NBEA: variants seen among roughly 807,000 people sequenced by gnomAD.
The protein encoded by NBEA is neurobeachin, also known as lysosomal-trafficking regulator 2.
NBEA carries 44 observed loss-of-function variants against 343.4 expected under a neutral mutation model. The ratio of observed to expected loss-of-function variants is 0.13; its 90% confidence interval spans 0.10 to 0.16. The LOEUF (loss-of-function observed/expected upper bound fraction) is 0.16. NBEA is among the 10% of genes least tolerant of loss of function. The probability of loss-of-function intolerance (pLI) is 1.00; values close to 1 mark genes in which losing one functional copy is unlikely to be tolerated. For missense variants in NBEA, 2,555 were observed against 3,631.3 expected (o/e 0.70, Z 7.62); for synonymous variants, 1,175 against 1,238.7 (o/e 0.95, Z 1.08).
intron 41 of NBEA, among the ~76,000 whole-genome samples, chr13:35,487,058 G>A (rs1033633163): frequency 2.6e-5 from 4 of 151,842 alleles, no homozygotes; most frequent in African/African-American, 4.8e-5. Context: ...TGTAATATCA[G>A]TGAGCTATAC....
chr13:35,549,163 A>G (rs2079195119), intron 41 of NBEA, among the ~76,000 whole-genome samples: 2 of 152,194 alleles, frequency 1.3e-5, no homozygotes, highest in South Asian at 4.1e-4. Context: ...AAAACCTTTC[A>G]ATGTCTAGAG....
intron 38 of NBEA, among the ~76,000 whole-genome samples, chr13:35,412,856 A>G (rs2043674584): frequency 6.6e-6 from 1 of 152,132 alleles, no homozygotes; most frequent in South Asian, 2.1e-4. Flanking sequence ...GCCACCAGCT[A>G]GTTGTATGAT....
At position 35,159,426 on chromosome 13, in the gene NBEA, G is replaced by C; in HGVS notation, c.3255G>C (p.Glu1085Asp). 3 of 1,613,428 alleles carry C rather than the reference G, an allele frequency of 1.9e-6. No individual in the cohort carries two copies. Among genetic ancestry groups the C allele is most frequent in the Non-Finnish European group, 2.5e-6 (3 of 1,179,672 alleles). Residue 1085 changes from glutamate to aspartate, a missense_variant, in exon 22 of 59, where the codon GAG (glutamate) becomes GAC (aspartate). By Grantham distance (45) the Glu-to-Asp change is conservative. Transcript: ENST00000379939. ...CACCGGAGACTTTAGTAGGTGGAGA[G>C]AATGGTGCCCTTGTGGAGGTTGAAT... Reference protein sequence around the residue: ...DLSPETLVGGENGALVEVESL... With the variant: ...DLSPETLVGGDNGALVEVESL...
chr13:35,041,095 A>G lies in NBEA; in HGVS notation c.457A>G (p.Thr153Ala). Reference sequence around the variant, plus strand: ...ACGAAAAAGTGTTCGGAATTTACAGACTAGCACAGAAGTTGGGCTAATTGA... The same window carrying G: ...ACGAAAAAGTGTTCGGAATTTACAGGCTAGCACAGAAGTTGGGCTAATTGA... Reference protein sequence around the residue: ...ILRKSVRNLQTSTEVGLIEQV... With the variant: ...ILRKSVRNLQASTEVGLIEQV... Residue 153 changes from threonine to alanine, a missense_variant, in exon 2 of 59, where the codon ACT (threonine) becomes GCT (alanine). Physicochemically the swap from Thr to Ala is moderately conservative, Grantham distance 58. Coordinates refer to ENST00000379939, the MANE Select transcript of NBEA (RefSeq NM_001385012.1). 6.2e-7 allele frequency: 1 copy of G among 1,613,174 alleles called. No individual in the cohort carries two copies. Among genetic ancestry groups the G allele is most frequent in the South Asian group, 1.1e-5 (1 of 91,058 alleles).
chr13:35,308,824 C>T (rs2037167787), intron 35 of NBEA, among the ~76,000 whole-genome samples: 1 of 150,696 alleles, frequency 6.6e-6, no homozygotes. Context: ...TAAGCATATG[C>T]TTTTCTAATC....
At chr13:35,191,945 T>A (rs2152739042) in intron 30 of NBEA, among the ~76,000 whole-genome samples, 1 of 152,172 alleles carries the variant, frequency 6.6e-6, no homozygotes, top group South Asian at 2.1e-4. Flanking sequence ...GCTGAAGTTG[T>A]CCTCATATTT....
chr13:35,155,980 C>A (rs1394176375), intron 19 of NBEA, 103 bp from the exon 20 acceptor site: 3 of 1,474,324 alleles, frequency 2.0e-6, no homozygotes, highest in South Asian at 1.2e-5. Context: ...AGTTTTAACT[C>A]ACCTTTTATA....
intron 30 of NBEA, among the ~76,000 whole-genome samples, chr13:35,190,741 A>G (rs1335990476): frequency 6.6e-6 from 1 of 152,150 alleles, no homozygotes; most frequent in African/African-American, 2.4e-5. Context: ...CAAGCAAAGA[A>G]ATAGGAAAGT....
At chr13:35,450,305 C>T (rs2046244661) in intron 39 of NBEA, among the ~76,000 whole-genome samples, 2 of 150,752 alleles carry the variant, frequency 1.3e-5, no homozygotes, top group African/African-American at 2.4e-5. Context: ...AAGAGCCCAT[C>T]CCTACAAAAA....
At chr13:34,967,252 C>A (rs2059850125) in intron 1 of NBEA, among the ~76,000 whole-genome samples, 1 of 151,686 alleles carries the variant, frequency 6.6e-6, no homozygotes, top group African/African-American at 2.4e-5. Context: ...CCTTATTTTC[C>A]TGACGGAAAA....
intron 17 of NBEA, among the ~76,000 whole-genome samples, chr13:35,140,277 C>T (rs972202767): frequency 1.3e-5 from 2 of 151,840 alleles, no homozygotes; most frequent in African/African-American, 2.4e-5. Context: ...GCCTCCCAAA[C>T]TGCTGGGATT....
At position 35,058,850 on chromosome 13, in the gene NBEA, G is replaced by T; in HGVS notation, c.1226G>T (p.Gly409Val). ...PAQIFAIHQL[G>V]PGYKSTFKFK... ...CAGATATTTGCAATTCATCAGTTAG[G>T]ACCTGGATATAAGGTAGTAATAACT... The change falls in exon 8 of 59, where the codon GGA (glycine) becomes GTA (valine). Residue 409 changes from glycine (G) to valine (V), a missense_variant. Physicochemically the swap from Gly to Val is moderately radical, Grantham distance 109 (BLOSUM62 -3). Around this residue, in one of 21 missense-constraint regions of NBEA, gnomAD observed 75 missense variants for 237.4 expected, o/e 0.32. Coordinates refer to ENST00000379939, the MANE Select transcript of NBEA (RefSeq NM_001385012.1). 1 of 1,604,942 alleles carries T rather than the reference G, an allele frequency of 6.2e-7. No individual in the cohort carries two copies. Among genetic ancestry groups the T allele is most frequent in the Non-Finnish European group, 8.5e-7 (1 of 1,175,584 alleles).
intron 38 of NBEA, among the ~76,000 whole-genome samples, chr13:35,419,564 ACT>A (rs2044149405): frequency 6.6e-6 from 1 of 152,020 alleles, no homozygotes; most frequent in African/African-American, 2.4e-5. Flanking sequence ...ATGTAATAAA[ACT>A]CTAGACTTCT....
At chr13:35,481,110 G>T (rs2076103031) in intron 41 of NBEA, among the ~76,000 whole-genome samples, 1 of 151,918 alleles carries the variant, frequency 6.6e-6, no homozygotes, top group Non-Finnish European at 1.5e-5. Flanking sequence ...AAAGGCCTTT[G>T]CCTCAGTTTT....
intron 48 of NBEA, among the ~76,000 whole-genome samples, chr13:35,610,573 A>C (rs1200041561): frequency 1.3e-5 from 2 of 152,220 alleles, no homozygotes; most frequent in East Asian, 3.8e-4. Context: ...TCATGGACCT[A>C]AGTTTGAAAC....
At chr13:35,658,295 TCA>T in intron 55 of NBEA, among the ~76,000 whole-genome samples, 1 of 60,714 alleles carries the variant, frequency 1.6e-5, no homozygotes, top group Admixed American at 2.0e-4. Context: ...AAAGCTGTTG[TCA>T]TCATTATGAA....
At chr13:34,944,760 TG>T (rs1275123381) in intron 1 of NBEA, among the ~76,000 whole-genome samples, 1 of 152,236 alleles carries the variant, frequency 6.6e-6, no homozygotes, top group Non-Finnish European at 1.5e-5. Context: ...GTTGCAGTTT[TG>T]ATCTAACCAA....
intron 30 of NBEA, chr13:35,186,773 G>A (rs1036480152): frequency 6.6e-6 from 1 of 152,070 alleles, no homozygotes; most frequent in African/African-American, 2.4e-5. Context: ...AAAATTTTTT[G>A]TTTAGTTATG....
At chr13:35,539,487 T>G (rs1436892895) in intron 41 of NBEA, among the ~76,000 whole-genome samples, 3 of 152,182 alleles carry the variant, frequency 2.0e-5, no homozygotes, top group Non-Finnish European at 4.4e-5. Context: ...TAATAACATT[T>G]GCCACTTTTT....
Sources: allele counts gnomAD v4.1 joint callset (sites outside exome capture counted in the v4.1 genomes callset), GRCh38; gene constraint gnomAD v4.1.1; regional missense constraint gnomAD v4.1.1; transcripts MANE v1.5; gene names NCBI Gene and HGNC (gene_info 2026-07-23, HGNC 2026-07-21).